GEMIN4: variants seen among roughly 807,000 people sequenced by gnomAD.
GEMIN4 encodes gem-associated protein 4.
A neutral mutation model predicts 76.8 loss-of-function variants in GEMIN4; 59 were observed. The observed-to-expected ratio is 0.77, with a 90% confidence interval of 0.62 to 0.95. The LOEUF (loss-of-function observed/expected upper bound fraction) is 0.95. Among genes scored for constraint, GEMIN4 ranks in the 40% least tolerant of loss-of-function variants. GEMIN4 has a pLI of 0.00. For missense variants in GEMIN4, 1,311 were observed against 1,318.9 expected, an observed-to-expected ratio of 0.99 and a Z score of 0.09; for synonymous variants, 562 against 559.7, an observed-to-expected ratio of 1.00 and a Z score of -0.06.
chr17:752,595 C>G, upstream of GEMIN4: 1 of 958,132 alleles, frequency 1.0e-6, no homozygotes, highest in Non-Finnish European at 1.3e-6. Context: ...TCCACTCCCA[C>G]CCGCCCAGCT....
rs1462859624 is a variant in GEMIN4, at chr17:745,415, G to A, written c.2628C>T (p.Thr876=). 1.2e-6 allele frequency: 2 copies of A among 1,612,714 alleles called. No individual in the cohort carries two copies. The highest frequency in any genetic ancestry group is 2.2e-5 in the East Asian group (1 of 44,886). Residue 876 remains threonine, a synonymous_variant, in exon 2 of 2, where the codon ACC becomes ACT. Transcript: ENST00000319004. The surrounding 1 kb of genome is among the most constrained non-coding windows in gnomAD (Gnocchi z 4.6). ...GGAGCTGCTTCTCCAGCAGTCTCCTGGTCAGCTGGTGAAGGCGCTGCCACT... is the reference window on the plus strand; with the variant it reads ...GGAGCTGCTTCTCCAGCAGTCTCCTAGTCAGCTGGTGAAGGCGCTGCCACT... ...PQEWQRLHQL[T]RRLLEKQLLH...
Position 749,036 on chromosome 17 carries a change from G to GC in GEMIN4, c.11-1005_11-1004insG, listed in dbSNP as rs1174583867. The GC allele has an allele frequency of 2.5e-4, 12 of 48,108 alleles. 1 individual carries two copies. The highest frequency in any genetic ancestry group is 2.9e-4 in the Non-Finnish European group (8 of 28,048). 3.0% of individuals were successfully genotyped at this position (48,108 alleles called of 1,614,324 possible). ...ACACGGCCACAGGGTAATGGGCACA[G>GC]AGCAATCACACGGCCACAGGATAAT... On this transcript the variant is annotated intron_variant, in intron 1 of 1. Coordinates refer to ENST00000319004, the MANE Select transcript of GEMIN4 (RefSeq NM_015721.3).
In GEMIN4 at chr17:748,355, C is replaced by T. The variant is rs143450311; in HGVS notation, c.11-323G>A. On this transcript the variant is annotated intron_variant, in intron 1 of 1. Transcript: ENST00000319004. ...TCAAGGTACAGATGTCCTCCAGCAACGGAAATGCCAGGTGGAAGTTCAGGA... is the reference window on the plus strand; with the variant it reads ...TCAAGGTACAGATGTCCTCCAGCAATGGAAATGCCAGGTGGAAGTTCAGGA... The T allele has an allele frequency of 1.4e-3, 388 of 274,424 alleles. 2 individuals are homozygous for T. Among genetic ancestry groups the T allele is most frequent in the Middle Eastern group, 8.6e-3 (8 of 930 alleles). 17.0% of individuals were successfully genotyped at this position (274,424 alleles called of 1,614,324 possible).
intron 1 of GEMIN4, 62 bp downstream of exon 1, chr17:752,071 C>T (rs893709109): frequency 5.1e-5 from 57 of 1,120,782 alleles, no homozygotes; most frequent in Non-Finnish European, 6.1e-5. Flanking sequence ...CGCGACGGGG[C>T]AGCACCGCTC....
Position 745,967 on chromosome 17 carries a change from G to A in GEMIN4, c.2076C>T (p.Cys692=), listed in dbSNP as rs1167469287. The change falls in exon 2 of 2, where the codon TGC becomes TGT. Residue 692 remains cysteine, a synonymous_variant. Coordinates refer to ENST00000319004, the MANE Select transcript of GEMIN4 (RefSeq NM_015721.3). The surrounding 1 kb of genome is among the most constrained non-coding windows in gnomAD (Gnocchi z 4.6). ...ACREEYWLQT[C]SPFPLLFSLC... The stretch of plus-strand genomic sequence containing the variant: ...AGCTGAAGAGGAGTGGAAACGGGGA[G>A]CAGGTCTGGAGCCAGTATTCCTCTC... 1.2e-6 allele frequency: 2 copies of A among 1,613,068 alleles called. No homozygotes were observed. The highest frequency in any genetic ancestry group is 1.7e-6 in the Non-Finnish European group (2 of 1,179,864).
rs115487450 is a variant in GEMIN4 at position 748,204 on chromosome 17, C to T, written c.11-172G>A. 5.6e-3 allele frequency: 3,335 copies of T among 598,452 alleles called. 93 individuals carry two copies. Among genetic ancestry groups the T allele is most frequent in the African/African-American group, 0.055 (2,973 of 53,822 alleles). 37.1% of individuals were successfully genotyped at this position (598,452 alleles called of 1,614,324 possible). ...ACAGCTGGAGTCAGAAGGACTTGGC[C>T]GAGGAATCCAGAATGGCTTCCGAGC... On this transcript the variant is annotated intron_variant, in intron 1 of 1. Coordinates refer to ENST00000319004, the MANE Select transcript of GEMIN4 (RefSeq NM_015721.3).
At position 746,742 on chromosome 17, in the gene GEMIN4, G is replaced by A. The variant is rs777855202; in HGVS notation, c.1301C>T (p.Ser434Leu). The A allele has an allele frequency of 3.7e-6, 6 of 1,613,544 alleles. No homozygotes were observed. In the Admixed American group the frequency reaches 6.7e-5, roughly 18 times the overall value. Reference sequence around the variant, plus strand: ...CCCCAGGCAGGCTACCCACTCGTCCGAGAAGGCCCACTTCTTCTCAGAGGC... The same window carrying A: ...CCCCAGGCAGGCTACCCACTCGTCCAAGAAGGCCCACTTCTTCTCAGAGGC... ...IFASEKKWAFSDEWVACLGSN... is the reference protein window; with the variant it reads ...IFASEKKWAFLDEWVACLGSN... Residue 434 changes from serine to leucine, a missense_variant, in exon 2 of 2, where the codon TCG (serine) becomes TTG (leucine). Ser to Leu is a moderately radical substitution (Grantham distance 145, BLOSUM62 -2). Transcript: ENST00000319004. The surrounding 1 kb of genome is among the most constrained non-coding windows in gnomAD (Gnocchi z 4.3).
At position 746,402 on chromosome 17, in the gene GEMIN4, G is replaced by A. The variant is rs550370353; in HGVS notation, c.1641C>T (p.Ala547=). The change falls in exon 2 of 2, where the codon GCC becomes GCT. Residue 547 remains alanine (A), a synonymous_variant. Coordinates refer to ENST00000319004, the MANE Select transcript of GEMIN4 (RefSeq NM_015721.3). This position sits in a 1 kb window ranked among gnomAD's most constrained non-coding sequence, Gnocchi z 4.3. ...ASEQGLAKAV[A]SVARLVIVHP... is the part of the protein sequence containing the mutation. ...GCACTATGACCAGGCGGGCCACGGAGGCCACAGCTTTTGCCAAGCCCTGTT... is the reference window on the plus strand; with the variant it reads ...GCACTATGACCAGGCGGGCCACGGAAGCCACAGCTTTTGCCAAGCCCTGTT... 2.3e-5 allele frequency: 37 copies of A among 1,613,924 alleles called. No individual in the cohort carries two copies. The South Asian group carries it at 3.6e-4, about 16-fold the overall frequency.
rs1378607740 is a variant in GEMIN4 at position 747,978 on chromosome 17, G to A, written c.65C>T (p.Ala22Val). 2.5e-6 allele frequency: 4 copies of A among 1,612,242 alleles called. No individual in the cohort carries two copies. Among genetic ancestry groups the A allele is most frequent in the South Asian group, 1.1e-5 (1 of 90,858 alleles). ...TGCCTTAGGGTGGAACAGCTGCTCG[G>A]CCAGCAAGAAGCCTCCATGCAGAAT... ...MTILHGGFLLAEQLFHPKALA... is the reference protein window; with the variant it reads ...MTILHGGFLLVEQLFHPKALA... The change falls in exon 2 of 2, where the codon GCC becomes GTC. Residue 22 changes from alanine to valine, a missense_variant. By Grantham distance (64) the Ala-to-Val change is moderately conservative. This residue lies in a region of GEMIN4 where 103 missense variants were observed against 152.0 expected (regional missense o/e 0.68). Transcript: ENST00000319004.
At chr17:749,888 C>G in intron 1 of GEMIN4, 1 of 990,462 alleles carries the variant, frequency 1.0e-6, no homozygotes, top group Non-Finnish European at 1.2e-6. Context: ...CAGTCAAAAA[C>G]AAGGTACTCA....
Position 744,558 on chromosome 17 carries a change from C to A in GEMIN4, c.*308G>T. The stretch of plus-strand genomic sequence containing the variant: ...GGATTTGATCTTGAAGACACTAAAC[C>A]CAATTTCAGAGCATATTTAATCCTG... On this transcript the variant is annotated 3_prime_UTR_variant, in exon 2 of 2. Coordinates refer to ENST00000319004, the MANE Select transcript of GEMIN4 (RefSeq NM_015721.3). 2 of 264,474 alleles carry A rather than the reference C, an allele frequency of 7.6e-6. No homozygotes were observed. The highest frequency in any genetic ancestry group is 1.4e-5 in the Non-Finnish European group (2 of 139,028). 16.4% of individuals were successfully genotyped at this position (264,474 alleles called of 1,614,324 possible).
Position 745,126 on chromosome 17 carries a change from GGGTCAGGTCCTGCTCT to G in GEMIN4, c.2901_2916del (p.Glu968ArgfsTer32). 6.2e-7 allele frequency: 1 copy of G among 1,609,842 alleles called. No individual in the cohort carries two copies. The highest frequency in any genetic ancestry group is 8.5e-7 in the Non-Finnish European group (1 of 1,178,224). ...TGGGTGTAAACAAACAGGGCTTCCTGGGTCAGGTCCTGCTCTGGTCCTTGAACCCAAGGGCCAGCTG... is the reference window on the plus strand; with the variant it reads ...TGGGTGTAAACAAACAGGGCTTCCTGGGTCCTTGAACCCAAGGGCCAGCTG... On this transcript the variant is annotated frameshift_variant, in exon 2 of 2. Coordinates refer to ENST00000319004, the MANE Select transcript of GEMIN4 (RefSeq NM_015721.3). LOFTEE classifies it high-confidence loss of function. The surrounding 1 kb of genome is among the most constrained non-coding windows in gnomAD (Gnocchi z 4.6).
rs190911090 is a variant in GEMIN4, at chr17:746,867, C to A, written c.1176G>T (p.Thr392=). ...CCTCCAAGGCCCTGTTCTTCAGCACCGTGCTCGTTTTCCTCAGGAAGTCCC... is the reference window on the plus strand; with the variant it reads ...CCTCCAAGGCCCTGTTCTTCAGCACAGTGCTCGTTTTCCTCAGGAAGTCCC... The part of the protein sequence containing the change: ...CVRDFLRKTS[T]VLKNRALEDI... Residue 392 remains threonine (T), a synonymous_variant, in exon 2 of 2, where the codon ACG becomes ACT. Transcript: ENST00000319004. This position sits in a 1 kb window ranked among gnomAD's most constrained non-coding sequence, Gnocchi z 4.3. 9 of 1,613,584 alleles carry A rather than the reference C, an allele frequency of 5.6e-6. No individual in the cohort carries two copies. Among genetic ancestry groups the A allele is most frequent in the Non-Finnish European group, 6.8e-6 (8 of 1,179,600 alleles).
chr17:752,276 C>A, upstream of GEMIN4: 4 of 1,225,536 alleles, frequency 3.3e-6, no homozygotes, highest in Non-Finnish European at 3.0e-6. Flanking sequence ...ACAACCTCCG[C>A]CCGGCCCCGC....
intron 1 of GEMIN4, chr17:751,878 G>A (rs982394646): frequency 1.6e-5 from 6 of 377,924 alleles, no homozygotes; most frequent in Admixed American, 9.1e-5. Context: ...CGCTTCCAAG[G>A]GCTCTAACTT....
At position 744,690 on chromosome 17, in the gene GEMIN4, C is replaced by A. The variant is rs1036351134; in HGVS notation, c.*176G>T. 11 of 606,646 alleles carry A rather than the reference C, an allele frequency of 1.8e-5. No homozygotes were observed. The highest frequency in any genetic ancestry group is 9.2e-5 in the African/African-American group (5 of 54,306). The allele number at this position is 606,646 out of a possible 1,614,324, so 37.6% of individuals were successfully genotyped here. ...TACCCAAGAAACTATTTTCTTTACACCATTATTGCCATGACTTTTTGTGGA... is the reference window on the plus strand; with the variant it reads ...TACCCAAGAAACTATTTTCTTTACAACATTATTGCCATGACTTTTTGTGGA... On this transcript the variant is annotated 3_prime_UTR_variant, in exon 2 of 2. Coordinates refer to ENST00000319004, the MANE Select transcript of GEMIN4 (RefSeq NM_015721.3).
chr17:747,548 C>T lies in GEMIN4; in HGVS notation c.495G>A (p.Trp165Ter), dbSNP rs1455110927. 1.2e-6 allele frequency: 2 copies of T among 1,613,748 alleles called. No homozygotes were observed. The highest frequency in any genetic ancestry group is 3.3e-5 in the Admixed American group (2 of 59,988). Residue 165 changes from tryptophan (W) to a stop codon, truncating the protein, a stop_gained, in exon 2 of 2, where the codon TGG (tryptophan) becomes TGA (stop). Coordinates refer to ENST00000319004, the MANE Select transcript of GEMIN4 (RefSeq NM_015721.3). LOFTEE classifies it high-confidence loss of function. Reference sequence around the variant, plus strand: ...GGTGACCCTTGTGCTTCATCACCTCCCACCAGACGTCCAGGAAGAAGGCCA... The same window carrying T: ...GGTGACCCTTGTGCTTCATCACCTCTCACCAGACGTCCAGGAAGAAGGCCA... ...EDVAFFLDVWWEVMKHKGHPQ... is the reference protein window; with the variant it reads ...EDVAFFLDVW
intron 1 of GEMIN4, chr17:748,689 G>C (rs551886817): frequency 4.3e-6 from 1 of 230,506 alleles, no homozygotes; most frequent in Non-Finnish European, 8.6e-6. Flanking sequence ...CAGCCACAGG[G>C]TAACAGGCAC....
chr17:747,028 GGCT>G lies in GEMIN4; in HGVS notation c.1012_1014del (p.Ser338del). 6.2e-7 allele frequency: 1 copy of G among 1,613,376 alleles called. No homozygotes were observed. Among genetic ancestry groups the G allele is most frequent in the Non-Finnish European group, 8.5e-7 (1 of 1,179,810 alleles). On this transcript the variant is annotated inframe_deletion, in exon 2 of 2. Coordinates refer to ENST00000319004, the MANE Select transcript of GEMIN4 (RefSeq NM_015721.3). ...CGGTAGCTGTCGTAACTTGTCCCCT[GGCT>G]GCTGCGGAGCACGGCCTGCAACTCC...
Sources: gnomAD v4.1 joint callset for allele counts on GRCh38, gnomAD v4.1.1 for gene constraint, gnomAD v4.1.1 regional missense constraint, Gnocchi (gnomAD v3.1) non-coding constraint, MANE v1.5 for transcripts, NCBI Gene and HGNC (gene_info 2026-07-23, HGNC 2026-07-21) for gene names.